The following MMP16 variants were observed in gnomAD, a reference collection of about 807,000 sequenced individuals.
MMP16 encodes the protein matrix metallopeptidase 16.
A neutral mutation model predicts 67.8 loss-of-function variants in MMP16; 12 were observed. The observed-to-expected ratio is 0.18, with a 90% CI of 0.11 to 0.29. MMP16 has a LOEUF of 0.29. Ranked by LOEUF, MMP16 falls within the 10% of genes least tolerant of loss-of-function variation. The pLI, the probability that MMP16 is intolerant of heterozygous loss-of-function variation, is 1.00. For synonymous variants in MMP16, 249 were observed against 255.9 expected, an observed-to-expected ratio of 0.97 and a Z score of 0.26; for missense variants, 475 against 765.7, an observed-to-expected ratio of 0.62 and a Z score of 4.48.
intron 7 of MMP16, among the ~76,000 whole-genome samples, chr8:88,063,089 T>A (rs1053103313): frequency 1.3e-5 from 2 of 152,108 alleles, no homozygotes; most frequent in Non-Finnish European, 2.9e-5. Context: ...GAGGAAAATA[T>A]CAACAAGTTA....
chr8:88,118,922 GAC>G, intron 4 of MMP16, 61 bp from the exon 5 acceptor site: 1 of 1,494,958 alleles, frequency 6.7e-7, no homozygotes. Context: ...AATTGAAAAG[GAC>G]AATTTGGTAT....
At chr8:88,282,568 G>T (rs953460721) in intron 1 of MMP16, among the ~76,000 whole-genome samples, 1 of 152,152 alleles carries the variant, frequency 6.6e-6, no homozygotes, top group African/African-American at 2.4e-5. Flanking sequence ...TAATTACATT[G>T]ACTAGGGCTT....
intron 8 of MMP16, among the ~76,000 whole-genome samples, chr8:88,051,804 C>T (rs1261680657): frequency 2.0e-5 from 3 of 151,952 alleles, no homozygotes; most frequent in Middle Eastern, 3.2e-3. Flanking sequence ...TGAAATATGG[C>T]AATAGAGTCT....
intron 4 of MMP16, among the ~76,000 whole-genome samples, chr8:88,132,409 G>C (rs1442252709): frequency 6.6e-6 from 1 of 151,806 alleles, no homozygotes; most frequent in African/African-American, 2.4e-5. Flanking sequence ...AGTTTAACTG[G>C]GTTGTTCAAG....
chr8:88,311,286 G>T (rs1407888069), intron 1 of MMP16, among the ~76,000 whole-genome samples: 1 of 152,126 alleles, frequency 6.6e-6, no homozygotes, highest in African/African-American at 2.4e-5. Context: ...CAGCATACCT[G>T]CTAGAGCCGA....
intron 1 of MMP16, among the ~76,000 whole-genome samples, chr8:88,287,794 G>A (rs1810857507): frequency 6.6e-6 from 1 of 152,174 alleles, no homozygotes. Context: ...AGAGCTTTGA[G>A]TAATCAGGCA....
intron 1 of MMP16, among the ~76,000 whole-genome samples, chr8:88,263,681 A>G (rs979606793): frequency 1.3e-5 from 2 of 152,132 alleles, no homozygotes; most frequent in Non-Finnish European, 2.9e-5. Flanking sequence ...TTCTATGTCC[A>G]AATTTCTCCT....
chr8:88,327,049 G>C (rs1445139733), intron 1 of MMP16, 26 bp downstream of exon 1: 7 of 1,613,092 alleles, frequency 4.3e-6, no homozygotes, highest in Non-Finnish European at 5.9e-6. Context: ...GCAGCGGGGG[G>C]AGGAAGAAAG....
intron 2 of MMP16, among the ~76,000 whole-genome samples, chr8:88,191,664 C>A (rs558451899): frequency 6.6e-6 from 1 of 152,298 alleles, no homozygotes; most frequent in South Asian, 2.1e-4. Context: ...GTACCACACA[C>A]ACACAGACAC....
intron 1 of MMP16, among the ~76,000 whole-genome samples, chr8:88,291,853 CT>C (rs1395698324): frequency 3.9e-5 from 6 of 152,046 alleles, no homozygotes; most frequent in African/African-American, 1.4e-4. Context: ...AATATGTTAA[CT>C]TTTTTAATGA....
chr8:88,257,846 T>G (rs912763643), intron 1 of MMP16, among the ~76,000 whole-genome samples: 4 of 152,184 alleles, frequency 2.6e-5, no homozygotes, highest in African/African-American at 9.7e-5. Context: ...CTGTAAGTAT[T>G]TGCAACATTT....
In MMP16 at chr8:88,050,880, T is replaced by C. The variant is rs1045123563; in HGVS notation, c.1374-4096A>G. On this transcript the variant is annotated intron_variant, in intron 8 of 9. Coordinates refer to ENST00000286614, the MANE Select transcript of MMP16 (RefSeq NM_005941.5). ...GCACCTATATTATATGCCAGACTCA[T>C]AGGATTCAGAGAGATCTCATTTCAG... 8.5e-5 allele frequency among the ~76,000 whole-genome samples: 13 copies of C among 152,202 alleles called. 1 individual carries two copies. The highest frequency in any genetic ancestry group is 2.7e-4 in the African/African-American group (11 of 41,452).
At chr8:88,113,030 GCTGA>G (rs1382980557) in intron 6 of MMP16, among the ~76,000 whole-genome samples, 1 of 151,632 alleles carries the variant, frequency 6.6e-6, no homozygotes, top group African/African-American at 2.4e-5. Flanking sequence ...TTTCATTTAG[GCTGA>G]CTATCATCGT....
chr8:88,099,446 T>C (rs1809095084), intron 6 of MMP16, among the ~76,000 whole-genome samples: 1 of 151,824 alleles, frequency 6.6e-6, no homozygotes, highest in African/African-American at 2.4e-5. Flanking sequence ...AAAAAATTCG[T>C]CCTAAAATGT....
intron 1 of MMP16, among the ~76,000 whole-genome samples, chr8:88,214,408 C>T (rs147745885): frequency 1.3e-5 from 2 of 152,222 alleles, no homozygotes; most frequent in African/African-American, 4.8e-5. Flanking sequence ...GTCTACACAC[C>T]CAACTGCTTG....
chr8:88,135,923 G>GT (rs1427958649), intron 4 of MMP16, among the ~76,000 whole-genome samples: 3 of 151,878 alleles, frequency 2.0e-5, no homozygotes, highest in Admixed American at 6.6e-5. Flanking sequence ...GCTCTTACAG[G>GT]TTTTTATTAT....
At chr8:88,079,453 G>C (rs1048057161) in intron 6 of MMP16, among the ~76,000 whole-genome samples, 12 of 152,042 alleles carry the variant, frequency 7.9e-5, no homozygotes, top group Non-Finnish European at 4.4e-5. Context: ...GTATGGTCTG[G>C]TACTATCTGC....
At chr8:88,196,422 GAAGAT>G (rs1809257937) in intron 2 of MMP16, among the ~76,000 whole-genome samples, 1 of 152,102 alleles carries the variant, frequency 6.6e-6, no homozygotes, top group East Asian at 1.9e-4. Flanking sequence ...TATCTATGCA[GAAGAT>G]AAGAATTAAG....
chr8:88,036,960 A>G lies in MMP16; in HGVS notation c.*4501T>C, dbSNP rs1044734164. On this transcript the variant is annotated 3_prime_UTR_variant, in exon 10 of 10. Coordinates refer to ENST00000286614, the MANE Select transcript of MMP16 (RefSeq NM_005941.5). The stretch of plus-strand genomic sequence containing the variant: ...TTAGTTTCTGGAAATGATTCCAAAA[A>G]CTTTAAAATATATATTTTTTCATGA... The G allele has an allele frequency of 1.3e-5, 2 of 151,562 alleles. No homozygotes were observed. Among genetic ancestry groups the G allele is most frequent in the Non-Finnish European group, 3.0e-5 (2 of 67,740 alleles). The allele number at this position is 151,562 out of a possible 1,614,324, so 9.4% of individuals were successfully genotyped here. A position where few individuals can be genotyped will look rare whatever the true frequency, so the allele number is the denominator to read the frequency against.
Sources: allele counts gnomAD v4.1 joint callset (sites outside exome capture counted in the v4.1 genomes callset), GRCh38; gene constraint gnomAD v4.1.1; transcripts MANE v1.5; gene names NCBI Gene and HGNC (gene_info 2026-07-23, HGNC 2026-07-21).